The following MAN1C1 variants were observed in gnomAD, a reference collection of about 807,000 sequenced individuals.
The protein encoded by MAN1C1 is mannosyl-oligosaccharide 1,2-alpha-mannosidase IC.
MAN1C1 carries 49 observed loss-of-function variants against 71.5 expected under a neutral mutation model. That is an observed-to-expected ratio of 0.69 (90% CI 0.54 to 0.87). The LOEUF (loss-of-function observed/expected upper bound fraction) is 0.87, where lower values mean the gene tolerates loss of function less well. MAN1C1 is among the 40% of genes least tolerant of loss of function. The pLI, the probability that MAN1C1 is intolerant of heterozygous loss-of-function variation, is 0.00. For synonymous variants in MAN1C1, 352 were observed against 343.7 expected (o/e 1.02, Z -0.27); for missense variants, 743 against 835.0 (o/e 0.89, Z 1.36).
intron 5 of MAN1C1, among the ~76,000 whole-genome samples, 153 bp from the exon 6 acceptor site, chr1:25,758,439 G>T (rs548286543): frequency 1.3e-5 from 2 of 152,274 alleles, no homozygotes; most frequent in African/African-American, 4.8e-5. Flanking sequence ...AGGACATGGG[G>T]CCAGGGAGGA....
chr1:25,710,199 A>G (rs1397746698), intron 2 of MAN1C1: 2 of 152,266 alleles, frequency 1.3e-5, no homozygotes, highest in Admixed American at 1.3e-4. Flanking sequence ...CTGGGGTGGG[A>G]ATCCTGCTCT....
intron 7 of MAN1C1, among the ~76,000 whole-genome samples, chr1:25,767,254 T>C (rs1432662382): frequency 2.1e-5 from 2 of 93,038 alleles, no homozygotes; most frequent in East Asian, 3.7e-4. Flanking sequence ...ACATCCACAC[T>C]CCCCTCACAC....
chr1:25,757,235 G>A (rs554580034), intron 5 of MAN1C1, among the ~76,000 whole-genome samples: 2 of 152,324 alleles, frequency 1.3e-5, no homozygotes, highest in Non-Finnish European at 2.9e-5. Context: ...AGTCCTGTCC[G>A]TGGAGATGGA....
chr1:25,697,598 C>G (rs1369524470), intron 2 of MAN1C1, among the ~76,000 whole-genome samples: 16 of 152,208 alleles, frequency 1.1e-4, no homozygotes. Flanking sequence ...CTTTTGGTAG[C>G]TCTACATGTA....
chr1:25,714,005 G>GA, intron 2 of MAN1C1, among the ~76,000 whole-genome samples: 1 of 152,240 alleles, frequency 6.6e-6, no homozygotes, highest in African/African-American at 2.4e-5. Context: ...TTTAAAAGGG[G>GA]AAAAAAATGT....
Position 25,783,768 on chromosome 1 carries a change from C to G in MAN1C1, c.1872C>G (p.Gly624=), listed in dbSNP as rs1318960566. 6.2e-7 allele frequency: 1 copy of G among 1,611,974 alleles called. No homozygotes were observed. ...CGGTGAACCACTCAGACAGCTCCGG[C>G]AGAGCCTGGGGCAGACACTGACCCC... ...PLPVNHSDSS[G]RAWGRH The change falls in exon 12 of 12, where the codon GGC becomes GGG. Residue 624 remains glycine (G), a synonymous_variant. Coordinates refer to ENST00000374332, the MANE Select transcript of MAN1C1 (RefSeq NM_020379.4).
chr1:25,725,054 C>T lies in MAN1C1; in HGVS notation c.638-21614C>T, dbSNP rs1206850174. Among the ~76,000 whole-genome samples, 3 of 152,182 alleles carry T rather than the reference C, an allele frequency of 2.0e-5. No homozygotes were observed. The highest frequency in any genetic ancestry group is 4.4e-5 in the Non-Finnish European group (3 of 68,044). On this transcript the variant is annotated intron_variant, in intron 2 of 11. Transcript: ENST00000374332. This position sits in a 1 kb window ranked among gnomAD's most constrained non-coding sequence, Gnocchi z 4.8. ...TCTATAACACCAACCCAGAGATAAG[C>T]ATTTCAATTGGGAAATGTAATTAGC...
At chr1:25,767,773 A>G (rs1349799475) in intron 7 of MAN1C1, among the ~76,000 whole-genome samples, 4 of 77,350 alleles carry the variant, frequency 5.2e-5, no homozygotes, top group East Asian at 5.0e-4. Flanking sequence ...CATAATCCAC[A>G]CTCCCCTAAC....
intron 1 of MAN1C1, among the ~76,000 whole-genome samples, chr1:25,661,937 C>G (rs981986006): frequency 6.6e-6 from 1 of 152,048 alleles, no homozygotes; most frequent in Non-Finnish European, 1.5e-5. Context: ...TCTACGGTCT[C>G]TCCCCTTGAG....
intron 2 of MAN1C1, among the ~76,000 whole-genome samples, chr1:25,719,407 A>G (rs1178827535): frequency 1.6e-5 from 2 of 127,438 alleles, no homozygotes; most frequent in Non-Finnish European, 1.5e-5. Flanking sequence ...TTATTTATTT[A>G]TTTATTTATT....
chr1:25,768,042 A>G lies in MAN1C1; in HGVS notation c.1142-3615A>G, dbSNP rs1460820957. On this transcript the variant is annotated intron_variant, in intron 7 of 11. Coordinates refer to ENST00000374332, the MANE Select transcript of MAN1C1 (RefSeq NM_020379.4). Reference sequence around the variant, plus strand: ...ACCCACACACCCACACTCCCCTCACATACATCCACACTCCCCTCACACACA... The same window carrying G: ...ACCCACACACCCACACTCCCCTCACGTACATCCACACTCCCCTCACACACA... 1.6e-4 allele frequency among the ~76,000 whole-genome samples: 13 copies of G among 80,804 alleles called. 1 individual carries two copies. Among genetic ancestry groups the G allele is most frequent in the Non-Finnish European group, 1.4e-4 (6 of 42,188 alleles). The allele number at this position is 80,804 out of a possible 152,430, so 53.0% of individuals were successfully genotyped here.
intron 1 of MAN1C1, among the ~76,000 whole-genome samples, chr1:25,651,041 G>T (rs1424115468): frequency 1.3e-5 from 2 of 152,206 alleles, no homozygotes; most frequent in Non-Finnish European, 2.9e-5. Context: ...AGGGGAGAAG[G>T]TGAGTAAGTG....
intron 3 of MAN1C1, among the ~76,000 whole-genome samples, chr1:25,747,641 A>G (rs535650953): frequency 1.3e-5 from 2 of 152,256 alleles, no homozygotes; most frequent in South Asian, 2.1e-4. Flanking sequence ...ACAGCTTGCC[A>G]GCACAGAGCA....
chr1:25,768,982 C>T (rs2047505201), intron 7 of MAN1C1, among the ~76,000 whole-genome samples: 1 of 148,432 alleles, frequency 6.7e-6, no homozygotes, highest in African/African-American at 2.5e-5. Flanking sequence ...TACACACACT[C>T]CCCTCACATA....
At chr1:25,645,699 C>T (rs1341824243) in intron 1 of MAN1C1, 1 of 152,206 alleles carries the variant, frequency 6.6e-6, no homozygotes, top group Non-Finnish European at 1.5e-5. Flanking sequence ...AAGGGAGAGT[C>T]ATTTGGCAAA....
At chr1:25,705,928 G>A (rs1186335269) in intron 2 of MAN1C1, among the ~76,000 whole-genome samples, 1 of 152,202 alleles carries the variant, frequency 6.6e-6, no homozygotes, top group Non-Finnish European at 1.5e-5. Context: ...CGGTGACAGA[G>A]CAAGACCCTA....
intron 1 of MAN1C1, among the ~76,000 whole-genome samples, chr1:25,635,690 C>G (rs2045449621): frequency 6.6e-6 from 1 of 152,102 alleles, no homozygotes. Context: ...CTCATGTGAT[C>G]CACCCACCTC....
rs1056653969 is a variant in MAN1C1 at position 25,779,713 on chromosome 1, G to C, written c.1478-1227G>C. The stretch of plus-strand genomic sequence containing the variant: ...TTGGCAAAATGACTGTTTTCTGATG[G>C]CCAGGAGCCGCTACACCATTTGAAA... On this transcript the variant is annotated intron_variant, in intron 9 of 11. Transcript: ENST00000374332. The surrounding 1 kb of genome is among the most constrained non-coding windows in gnomAD (Gnocchi z 4.6). Among the ~76,000 whole-genome samples, 1 of 152,178 alleles carries C rather than the reference G, an allele frequency of 6.6e-6. No individual in the cohort carries two copies. Among genetic ancestry groups the C allele is most frequent in the Admixed American group, 6.5e-5 (1 of 15,280 alleles).
chr1:25,730,221 G>T lies in MAN1C1; in HGVS notation c.638-16447G>T, dbSNP rs1483711965. ...TATGGTCTGTCATAATCCCCTCCCT[G>T]CTTCCCTGTCAGTTTTTGACAGTTA... On this transcript the variant is annotated intron_variant, in intron 2 of 11. Transcript: ENST00000374332. This position sits in a 1 kb window ranked among gnomAD's most constrained non-coding sequence, Gnocchi z 4.3. 6.6e-6 allele frequency among the ~76,000 whole-genome samples: 1 copy of T among 152,040 alleles called. No individual in the cohort carries two copies. Among genetic ancestry groups the T allele is most frequent in the Non-Finnish European group, 1.5e-5 (1 of 68,032 alleles).
Sources: gnomAD v4.1 joint callset for allele counts (sites outside exome capture counted in the v4.1 genomes callset) on GRCh38, gnomAD v4.1.1 for gene constraint, Gnocchi (gnomAD v3.1) non-coding constraint, MANE v1.5 for transcripts, NCBI Gene and HGNC (gene_info 2026-07-23, HGNC 2026-07-21) for gene names.